The following URI1 variants were observed in gnomAD, a reference collection of about 807,000 sequenced individuals.
URI1 encodes the protein unconventional prefoldin RPB5 interactor 1.
A neutral mutation model predicts 60.2 loss-of-function variants in URI1; 39 were observed. The observed-to-expected ratio is 0.65, with a 90% CI of 0.50 to 0.85. The LOEUF is 0.85. URI1 is among the 40% of genes least tolerant of loss of function. URI1 has a pLI of 0.00. For missense variants in URI1, 691 were observed against 665.9 expected (o/e 1.04, Z -0.42); for synonymous variants, 251 against 236.8 (o/e 1.06, Z -0.55).
chr19:29,980,463 A>C (rs938582705), intron 2 of URI1: 30 of 151,966 alleles, frequency 2.0e-4, no homozygotes, highest in African/African-American at 7.0e-4. Context: ...AAAAAATAAA[A>C]ATTTAACTCT....
intron 1 of URI1, among the ~76,000 whole-genome samples, chr19:29,947,333 G>C (rs1342809708): frequency 2.0e-5 from 3 of 152,198 alleles, no homozygotes; most frequent in Non-Finnish European, 4.4e-5. Context: ...TTACAGATCC[G>C]ATCTTAGAAT....
At chr19:29,932,773 T>G (rs994247087) in intron 1 of URI1, among the ~76,000 whole-genome samples, 25 of 151,394 alleles carry the variant, frequency 1.7e-4, no homozygotes. Flanking sequence ...TGCCTCAGCC[T>G]CCTGAGTAGC....
At chr19:29,971,317 G>GTGTA in intron 2 of URI1, 90 bp downstream of exon 2, 1 of 1,279,392 alleles carries the variant, frequency 7.8e-7, no homozygotes, top group Non-Finnish European at 1.1e-6. Flanking sequence ...TTGCGTGTGT[G>GTGTA]TGTATGTATG....
chr19:29,954,629 C>T (rs966519377), intron 1 of URI1, among the ~76,000 whole-genome samples: 2 of 151,718 alleles, frequency 1.3e-5, no homozygotes, highest in Non-Finnish European at 2.9e-5. Context: ...ATTCTCCTGC[C>T]TCAGCCTCCC....
intron 1 of URI1, among the ~76,000 whole-genome samples, chr19:29,935,073 T>G (rs930087546): frequency 6.6e-6 from 1 of 152,208 alleles, no homozygotes; most frequent in Admixed American, 6.5e-5. Flanking sequence ...TTTCTGTACA[T>G]TTTTTAAATT....
chr19:29,958,852 C>T (rs1167917597), intron 1 of URI1, among the ~76,000 whole-genome samples: 2 of 151,536 alleles, frequency 1.3e-5, no homozygotes, highest in Non-Finnish European at 2.9e-5. Flanking sequence ...CCCAGCTACT[C>T]GGAAGGTTGA....
intron 1 of URI1, among the ~76,000 whole-genome samples, chr19:29,935,713 T>A (rs1259275597): frequency 6.6e-6 from 1 of 151,882 alleles, no homozygotes; most frequent in East Asian, 1.9e-4. Flanking sequence ...TTTTTTTTTT[T>A]TCCCCAGGAC....
Position 29,928,900 on chromosome 19 carries a change from C to T in URI1, c.63+5146C>T, listed in dbSNP as rs114959083. ...ACTCATTTAGGGACATTTGCAGACT[C>T]CCAAGTTCCTTCACCAGCAAAGTAG... On this transcript the variant is annotated intron_variant, in intron 1 of 10. Coordinates refer to the URI1 transcript ENST00000360605. Among the ~76,000 whole-genome samples the T allele has an allele frequency of 5.8e-3, 885 of 152,242 alleles. 10 individuals are homozygous for T. The highest frequency in any genetic ancestry group is 0.02 in the African/African-American group (842 of 41,538).
At chr19:29,980,949 A>G (rs973341020) in intron 2 of URI1, among the ~76,000 whole-genome samples, 1 of 150,946 alleles carries the variant, frequency 6.6e-6, no homozygotes, top group Non-Finnish European at 1.5e-5. Flanking sequence ...AAAAAAGTTC[A>G]ATGTTAGTAT....
In URI1 at chr19:29,987,876, A is replaced by G. The variant is rs73543786; in HGVS notation, c.367+1459A>G. 4.4e-3 allele frequency among the ~76,000 whole-genome samples: 665 copies of G among 152,284 alleles called. 3 individuals carry two copies. The highest frequency in any genetic ancestry group is 0.015 in the African/African-American group (634 of 41,564). ...TTCAAAGTACATATTTCCTGTTACA[A>G]TAAATTCTGGGCCGGGCGCAGGGGC... On this transcript the variant is annotated intron_variant, in intron 4 of 10. Coordinates refer to ENST00000392271, the MANE Select transcript of URI1 (RefSeq NM_003796.3).
chr19:29,961,614 G>C (rs534944047), intron 1 of URI1, among the ~76,000 whole-genome samples: 13 of 150,204 alleles, frequency 8.7e-5, no homozygotes, highest in Middle Eastern at 3.5e-3. Flanking sequence ...GTGATTTTGA[G>C]TAATGCTGCT....
chr19:29,932,582 G>T (rs2054930951), intron 1 of URI1, among the ~76,000 whole-genome samples: 1 of 151,260 alleles, frequency 6.6e-6, no homozygotes, highest in South Asian at 2.1e-4. Context: ...CTCCCAAAGT[G>T]CTGGGATTAC....
At chr19:29,986,222 T>C in intron 3 of URI1, 60 bp from the exon 4 acceptor site, 1 of 1,457,022 alleles carries the variant, frequency 6.9e-7, no homozygotes, top group South Asian at 1.5e-5. Flanking sequence ...AAGTGTTTTA[T>C]AAAATGTACT....
intron 2 of URI1, among the ~76,000 whole-genome samples, chr19:29,984,631 A>G (rs1236667547): frequency 1.3e-5 from 2 of 152,186 alleles, no homozygotes; most frequent in Non-Finnish European, 2.9e-5. Context: ...CAATAAATGT[A>G]TGGTAGAATA....
intron 4 of URI1, among the ~76,000 whole-genome samples, chr19:29,994,661 C>T (rs1256011081): frequency 2.0e-5 from 3 of 151,806 alleles, no homozygotes; most frequent in Non-Finnish European, 2.9e-5. Flanking sequence ...ATTCTGTTCG[C>T]TATTGTGAAT....
chr19:29,955,620 G>T (rs2055235632), intron 1 of URI1, among the ~76,000 whole-genome samples: 1 of 151,652 alleles, frequency 6.6e-6, no homozygotes, highest in African/African-American at 2.4e-5. Flanking sequence ...TGTTTCCTGT[G>T]ATCTTCATTG....
At chr19:29,932,409 C>T (rs6509845) in intron 1 of URI1, among the ~76,000 whole-genome samples, 124,829 of 151,880 alleles carry the variant, frequency 0.82, 52,252 homozygotes, top group Non-Finnish European at 0.9. Context: ...CTCCGCCTCC[C>T]GGGCTCAAGT....
At chr19:29,992,251 A>G (rs935884591) in intron 4 of URI1, among the ~76,000 whole-genome samples, 1 of 151,864 alleles carries the variant, frequency 6.6e-6, no homozygotes, top group African/African-American at 2.4e-5. Context: ...TGTATTTTTT[A>G]TAGAGATGGG....
intron 1 of URI1, among the ~76,000 whole-genome samples, chr19:29,951,962 A>G (rs1327413354): frequency 6.6e-6 from 1 of 152,240 alleles, no homozygotes; most frequent in Non-Finnish European, 1.5e-5. Flanking sequence ...CAAGAGCCTT[A>G]TAAAATAAGA....
Sources: allele counts gnomAD v4.1 joint callset (sites outside exome capture counted in the v4.1 genomes callset), GRCh38; gene constraint gnomAD v4.1.1; transcripts MANE v1.5; gene names NCBI Gene and HGNC (gene_info 2026-07-23, HGNC 2026-07-21).